Variants in SREBF1 observed in about 807,000 individuals in gnomAD.
The protein encoded by SREBF1 is sterol regulatory element binding transcription factor 1.
Under a neutral mutation model 100.1 loss-of-function variants are expected in SREBF1, and 45 were observed. The observed-to-expected ratio is 0.45, with a 90% CI of 0.35 to 0.58. The LOEUF (loss-of-function observed/expected upper bound fraction) is 0.58. Ranked by LOEUF, SREBF1 falls within the 20% of genes least tolerant of loss-of-function variation. The pLI is 0.00. For missense variants in SREBF1, 1,324 were observed against 1,539.4 expected, an observed-to-expected ratio of 0.86 and a Z score of 2.34; for synonymous variants, 657 against 681.8, an observed-to-expected ratio of 0.96 and a Z score of 0.57.
Position 17,813,599 on chromosome 17 carries a change from C to T in SREBF1, c.3072G>A (p.Leu1024=), listed in dbSNP as rs1458796002. The change falls in exon 17 of 19, where the codon CTG becomes CTA. Residue 1024 remains leucine (L), a synonymous_variant. Coordinates refer to ENST00000261646, the MANE Select transcript of SREBF1 (RefSeq NM_004176.5). ...GCATGGCGGGCCGGAAGCTCTGTGC[C>T]AGCCGCCTCAGGCTGCTCAGGTCCC... ...FQRDLSSLRR[L]AQSFRPAMRR... The T allele has an allele frequency of 3.8e-6, 6 of 1,591,696 alleles. No homozygotes were observed. In the South Asian group the frequency reaches 6.7e-5, roughly 18 times the overall value.
rs1348605030 is a variant in SREBF1, at chr17:17,812,612, G to T, written c.*10C>A. ...TAGAGACAGGGGTGCTGAGGCCGGG[G>T]ACACGGGGTCTAGCTGGAAGTGACA... On this transcript the variant is annotated 3_prime_UTR_variant, in exon 19 of 19. Coordinates refer to ENST00000261646, the MANE Select transcript of SREBF1 (RefSeq NM_004176.5). 3.8e-6 allele frequency: 6 copies of T among 1,592,888 alleles called. No homozygotes were observed. The South Asian group carries it at 6.8e-5, about 18-fold the overall frequency.
rs2034360407 is a variant in SREBF1 at position 17,824,545 on chromosome 17, A to G, written c.92-4024T>C. ...GACAGGCTCTAGGGTTCTTTTGAGG[A>G]GGTGCCTGGGCCTGTCTTCCCTCTT... On this transcript the variant is annotated intron_variant, in intron 1 of 18. Coordinates refer to ENST00000261646, the MANE Select transcript of SREBF1 (RefSeq NM_004176.5). This position sits in a 1 kb window ranked among gnomAD's most constrained non-coding sequence, Gnocchi z 4.2. Among the ~76,000 whole-genome samples, 1 of 152,156 alleles carries G rather than the reference A, an allele frequency of 6.6e-6. No homozygotes were observed. The highest frequency in any genetic ancestry group is 1.5e-5 in the Non-Finnish European group (1 of 68,028).
rs982782978 is a variant in SREBF1, at chr17:17,812,784, G to GGAGGCCAGCAGC, written c.3270_3281dup (p.Leu1091_Ser1094dup). ...ACAGGAAGCCGGGGGGCAGGTAGCA[G>GGAGGCCAGCAGC]GAGGCCAGCAGCAAGGCCTCCGCGT... On this transcript the variant is annotated inframe_insertion, in exon 19 of 19. Transcript: ENST00000261646. 8.5e-6 allele frequency: 13 copies of GGAGGCCAGCAGC among 1,526,970 alleles called. No individual in the cohort carries two copies. Among genetic ancestry groups the GGAGGCCAGCAGC allele is most frequent in the Non-Finnish European group, 1.1e-5 (13 of 1,137,872 alleles). The allele number at this position is 1,526,970 out of a possible 1,614,324, so 94.6% of individuals were successfully genotyped here.
At chr17:17,829,831 G>A (rs902039079) in intron 1 of SREBF1, among the ~76,000 whole-genome samples, 8 of 152,112 alleles carry the variant, frequency 5.3e-5, no homozygotes, top group African/African-American at 1.9e-4. Context: ...TTTTAGTTTG[G>A]GTCTCACAAT....
Position 17,813,786 on chromosome 17 carries a change from G to C in SREBF1, c.2902-17C>G. The stretch of plus-strand genomic sequence containing the variant: ...CTGCACGGCCTGGGGGTGGCAGGCA[G>C]GGCAGGGGTCACCAGGGCTCCAGCT... On this transcript the variant is annotated splice_polypyrimidine_tract_variant and intron_variant, in intron 16 of 18. Coordinates refer to ENST00000261646, the MANE Select transcript of SREBF1 (RefSeq NM_004176.5). 6.5e-7 allele frequency: 1 copy of C among 1,535,336 alleles called. No homozygotes were observed. The highest frequency in any genetic ancestry group is 8.7e-7 in the Non-Finnish European group (1 of 1,146,340).
In SREBF1 at chr17:17,814,253, T is replaced by C. The variant is rs781153095; in HGVS notation, c.2893A>G (p.Ile965Val). 1 of 1,605,876 alleles carries C rather than the reference T, an allele frequency of 6.2e-7. No homozygotes were observed. The highest frequency in any genetic ancestry group is 1.1e-5 in the South Asian group (1 of 89,546). The change falls in exon 16 of 19, where the codon ATT becomes GTT. Residue 965 changes from isoleucine (I) to valine (V), a missense_variant. By Grantham distance (29) the Ile-to-Val change is conservative (BLOSUM62 3). Transcript: ENST00000261646. ...CTGACCCCACCCCTCACCTTGTCAA[T>C]GGAGCTGCTGGCTGGTGTGGTAGCC... is the stretch of plus-strand genomic sequence containing the variant. ...SLATTPASSS[I>V]DKAVQLFLCD...
Position 17,816,197 on chromosome 17 carries a change from A to ACCCCCCCCCCCCCCCCCCCCCC in SREBF1, c.2214+9_2214+10insGGGGGGGGGGGGGGGGGGGGGG. The ACCCCCCCCCCCCCCCCCCCCCC allele has an allele frequency of 8.8e-7, 1 of 1,137,400 alleles. No homozygotes were observed. The highest frequency in any genetic ancestry group is 2.7e-5 in the Admixed American group (1 of 37,114). 70.5% of individuals were successfully genotyped at this position (1,137,400 alleles called of 1,614,324 possible). A position where few individuals can be genotyped will look rare whatever the true frequency, so the allele number is the denominator to read the frequency against. ...GCAGGGATAAGCCCCCAGCCCCCCA[A>ACCCCCCCCCCCCCCCCCCCCCC]CCCACTCACTGTCAGAAAATGCAAG... On this transcript the variant is annotated intron_variant, in intron 11 of 18. Transcript: ENST00000261646.
chr17:17,822,781 C>T (rs911342853), intron 1 of SREBF1, among the ~76,000 whole-genome samples: 3 of 152,334 alleles, frequency 2.0e-5, no homozygotes, highest in East Asian at 3.9e-4. Context: ...TACGGCTGCC[C>T]GAGGCTTTGC....
At chr17:17,820,569 C>A (rs1190178436) in intron 1 of SREBF1, 48 bp from the exon 2 acceptor site, 2 of 1,582,582 alleles carry the variant, frequency 1.3e-6, no homozygotes, top group Admixed American at 3.4e-5. Flanking sequence ...GACTGACCCC[C>A]AAACAGGGCA....
At position 17,816,730 on chromosome 17, in the gene SREBF1, G is replaced by A; in HGVS notation, c.1786-12C>T. The A allele has an allele frequency of 1.3e-6, 2 of 1,573,472 alleles. No individual in the cohort carries two copies. The highest frequency in any genetic ancestry group is 1.7e-6 in the Non-Finnish European group (2 of 1,160,530). On this transcript the variant is annotated splice_polypyrimidine_tract_variant and intron_variant, in intron 9 of 18. Transcript: ENST00000261646. ...TGGGCAAAGTCTCCCTGTGGATGAG[G>A]GTTTTCCAGGTGAGAAAAGTGAGGT... is the stretch of plus-strand genomic sequence containing the variant.
intron 1 of SREBF1, among the ~76,000 whole-genome samples, chr17:17,830,645 C>T (rs570141771): frequency 9.2e-5 from 14 of 152,298 alleles, no homozygotes; most frequent in African/African-American, 3.4e-4. Context: ...GAAAGGAGCT[C>T]AAACAGGGTT....
At chr17:17,821,472 G>T (rs1239037495) in intron 1 of SREBF1, among the ~76,000 whole-genome samples, 2 of 152,116 alleles carry the variant, frequency 1.3e-5, no homozygotes, top group African/African-American at 2.4e-5. Flanking sequence ...ATATAGGAGC[G>T]ATGGGCCCCA....
rs544489659 is a variant in SREBF1, at chr17:17,819,374, C to T, written c.792G>A (p.Ala264=). 31 of 1,613,712 alleles carry T rather than the reference C, an allele frequency of 1.9e-5. No individual in the cohort carries two copies. Among genetic ancestry groups the T allele is most frequent in the Middle Eastern group, 1.6e-4 (1 of 6,084 alleles). ...CAGAGACCAGGGGACTGAGACCTGCCGCCTTCACAGTGGCTCCGTCTGTCT... is the reference window on the plus strand; with the variant it reads ...CAGAGACCAGGGGACTGAGACCTGCTGCCTTCACAGTGGCTCCGTCTGTCT... ...AMKTDGATVK[A]AGLSPLVSGT... Residue 264 remains alanine, a synonymous_variant, in exon 4 of 19, where the codon GCG becomes GCA. Coordinates refer to ENST00000261646, the MANE Select transcript of SREBF1 (RefSeq NM_004176.5).
Position 17,811,535 on chromosome 17 carries a change from CT to C in SREBF1, c.*1086del, listed in dbSNP as rs1164119510. On this transcript the variant is annotated 3_prime_UTR_variant, in exon 19 of 19. Coordinates refer to ENST00000261646, the MANE Select transcript of SREBF1 (RefSeq NM_004176.5). ...TGGGGAATGGGAATGAAGGGAGGGG[CT>C]GGGGGGGGGGGCATGAATGGAGTCA... The C allele has an allele frequency of 3.5e-3, 626 of 181,146 alleles. 5 individuals are homozygous for C. The African/African-American group carries it at 0.039, about 11-fold the overall frequency. 11.2% of individuals were successfully genotyped at this position (181,146 alleles called of 1,614,324 possible).
intron 1 of SREBF1, among the ~76,000 whole-genome samples, chr17:17,821,743 G>C (rs1167484417): frequency 6.6e-6 from 1 of 152,164 alleles, no homozygotes; most frequent in Admixed American, 6.5e-5. Flanking sequence ...GATCCCCAAA[G>C]AGAATGGCAG....
chr17:17,820,036 G>A (rs1048745807), intron 2 of SREBF1, 54 bp downstream of exon 2: 34 of 1,540,466 alleles, frequency 2.2e-5, no homozygotes, highest in Non-Finnish European at 2.7e-5. Context: ...GCTTCTTCCT[G>A]TGCTCCTGGA....
rs1023605179 is a variant in SREBF1 at position 17,812,223 on chromosome 17, G to T, written c.*399C>A. ...TATGTACACGTCTCTCTCCCACGACGGAGAGAGAGGCCTCTGGGGCAGAGC... is the reference window on the plus strand; with the variant it reads ...TATGTACACGTCTCTCTCCCACGACTGAGAGAGAGGCCTCTGGGGCAGAGC... On this transcript the variant is annotated 3_prime_UTR_variant, in exon 19 of 19. Transcript: ENST00000261646. The T allele has an allele frequency of 5.5e-5, 22 of 397,186 alleles. No individual in the cohort carries two copies. In the Admixed American group the frequency reaches 7.7e-4, roughly 14 times the overall value. The allele number at this position is 397,186 out of a possible 1,614,324, so 24.6% of individuals were successfully genotyped here.
chr17:17,821,521 G>A (rs1017337050), intron 1 of SREBF1, among the ~76,000 whole-genome samples: 4 of 152,096 alleles, frequency 2.6e-5, no homozygotes, highest in Admixed American at 6.6e-5. Flanking sequence ...ATCCTAAAAC[G>A]CACCCCCAGC....
At chr17:17,823,626 T>C (rs1333341184) in intron 1 of SREBF1, 9 of 1,603,334 alleles carry the variant, frequency 5.6e-6, no homozygotes, top group Admixed American at 1.7e-5. Context: ...GCGCGGCGGA[T>C]TTTTGAAGCC....
Sources: allele counts gnomAD v4.1 joint callset (sites outside exome capture counted in the v4.1 genomes callset), GRCh38; gene constraint gnomAD v4.1.1; non-coding constraint Gnocchi (gnomAD v3.1); transcripts MANE v1.5; gene names NCBI Gene and HGNC (gene_info 2026-07-23, HGNC 2026-07-21).